Variants in PARP15 observed in about 807,000 individuals in gnomAD.
PARP15 encodes protein mono-ADP-ribosyltransferase PARP15.
Under a neutral mutation model 62.1 loss-of-function variants are expected in PARP15, and 50 were observed. The ratio of observed to expected loss-of-function variants is 0.81; its 90% CI spans 0.64 to 1.02. The LOEUF is 1.02. PARP15 is among the 50% of genes least tolerant of loss of function. PARP15 has a pLI of 0.00. For synonymous variants in PARP15, 309 were observed against 293.1 expected, an observed-to-expected ratio of 1.05 and a Z score of -0.55; for missense variants, 820 against 826.5, an observed-to-expected ratio of 0.99 and a Z score of 0.10.
At chr3:122,593,803 A>C (rs1202286731) in intron 1 of PARP15, among the ~76,000 whole-genome samples, 1 of 152,172 alleles carries the variant, frequency 6.6e-6, no homozygotes, top group Non-Finnish European at 1.5e-5. Flanking sequence ...CATTTATAGA[A>C]ATTTTGTCGC....
chr3:122,634,942 T>G lies in PARP15; in HGVS notation c.1573-78T>G, dbSNP rs140169078. 9.7e-4 allele frequency: 1,358 copies of G among 1,393,150 alleles called. 7 individuals are homozygous for G. The African/African-American group carries it at 0.01, about 10-fold the overall frequency. The allele number at this position is 1,393,150 out of a possible 1,614,324, so 86.3% of individuals were successfully genotyped here. ...CCTCTTCCTTCTTTTTCATATTGCT[T>G]ATTTTAAATCCACAACAAGTACAAT... On this transcript the variant is annotated intron_variant, in intron 10 of 11. Coordinates refer to ENST00000464300, the MANE Select transcript of PARP15 (RefSeq NM_001113523.3).
chr3:122,602,207 A>G lies in PARP15; in HGVS notation c.187-3729A>G, dbSNP rs534981730. ...GACTGTATTACTGTTAAGGACTCACACTTGGATTCTTTCCCAGGGCACTGC... is the reference window on the plus strand; with the variant it reads ...GACTGTATTACTGTTAAGGACTCACGCTTGGATTCTTTCCCAGGGCACTGC... On this transcript the variant is annotated intron_variant, in intron 1 of 11. Transcript: ENST00000464300. 7.9e-5 allele frequency among the ~76,000 whole-genome samples: 12 copies of G among 152,116 alleles called. No homozygotes were observed. The South Asian group carries it at 2.5e-3, about 32-fold the overall frequency.
At chr3:122,616,748 A>C (rs1240102349) in intron 5 of PARP15, among the ~76,000 whole-genome samples, 1 of 152,150 alleles carries the variant, frequency 6.6e-6, no homozygotes, top group Non-Finnish European at 1.5e-5. Flanking sequence ...TCTTGCCAGT[A>C]AACAGACTGA....
rs1172650092 is a variant in PARP15 at position 122,617,043 on chromosome 3, T to C, written c.879T>C (p.Cys293=). The change falls in exon 6 of 12, where the codon TGT becomes TGC. Residue 293 remains cysteine, a synonymous_variant. Transcript: ENST00000464300. ...TGGTCGGGACTGTCTCTAAGCCTTG[T>C]TTCACAGCATATGAAATGAAAATCG... ...QGVVGTVSKP[C]FTAYEMKIGA... The C allele has an allele frequency of 6.2e-7, 1 of 1,614,196 alleles. No individual in the cohort carries two copies. Among genetic ancestry groups the C allele is most frequent in the Admixed American group, 1.7e-5 (1 of 60,024 alleles).
intron 1 of PARP15, among the ~76,000 whole-genome samples, chr3:122,596,086 C>T (rs892146081): frequency 4.6e-5 from 7 of 150,970 alleles, no homozygotes; most frequent in South Asian, 2.2e-4. Flanking sequence ...TGGCTGGGTG[C>T]GGTGGCTCAC....
chr3:122,580,039 A>ATATG (rs1559915678), intron 1 of PARP15, among the ~76,000 whole-genome samples: 29 of 135,682 alleles, frequency 2.1e-4, no homozygotes, highest in African/African-American at 7.6e-4. Flanking sequence ...ATATATATGC[A>ATATG]CGCGCGCACA....
chr3:122,627,318 C>T (rs1181211176), intron 9 of PARP15, among the ~76,000 whole-genome samples: 1 of 152,166 alleles, frequency 6.6e-6, no homozygotes, highest in Admixed American at 6.5e-5. Flanking sequence ...TTTGCAAATT[C>T]TAGCCAATAT....
intron 4 of PARP15, among the ~76,000 whole-genome samples, chr3:122,613,626 C>A (rs80085845): frequency 0.038 from 5,715 of 152,150 alleles, 373 homozygotes; most frequent in African/African-American, 0.13. Flanking sequence ...ATTTGGATAG[C>A]ATAGACCAGT....
chr3:122,631,562 C>T (rs1034517332), intron 9 of PARP15, among the ~76,000 whole-genome samples: 5 of 152,106 alleles, frequency 3.3e-5, no homozygotes, highest in Admixed American at 6.6e-5. Flanking sequence ...AAAGGAAACC[C>T]GGGCATGATC....
chr3:122,595,460 C>A (rs1934260409), intron 1 of PARP15, among the ~76,000 whole-genome samples: 1 of 152,208 alleles, frequency 6.6e-6, no homozygotes, highest in Non-Finnish European at 1.5e-5. Context: ...GCATTTCATA[C>A]AATTGATGGC....
chr3:122,585,833 GC>G (rs1933381715), intron 1 of PARP15, among the ~76,000 whole-genome samples: 1 of 152,208 alleles, frequency 6.6e-6, no homozygotes, highest in Non-Finnish European at 1.5e-5. Context: ...TGAGGATACA[GC>G]CTTGTGTTCC....
At chr3:122,591,518 T>A (rs1317766402) in intron 1 of PARP15, among the ~76,000 whole-genome samples, 1 of 152,174 alleles carries the variant, frequency 6.6e-6, no homozygotes, top group Non-Finnish European at 1.5e-5. Context: ...ATCCCAGCAC[T>A]TTGGGAGGCC....
intron 1 of PARP15, among the ~76,000 whole-genome samples, chr3:122,582,710 A>G (rs1933059285): frequency 6.6e-6 from 1 of 152,070 alleles, no homozygotes; most frequent in Admixed American, 6.5e-5. Flanking sequence ...GTTTTCATCA[A>G]ATTTGAATTT....
rs548760955 is a variant in PARP15 at position 122,577,803 on chromosome 3, G to A, written c.136G>A (p.Gly46Arg). ...DREAGSVLPA[G>R]NRGARKASRR... is the part of the protein sequence containing the mutation. ...GGAGGCGGGGAGCGTGCTGCCGGCC[G>A]GGAACCGTGGGGCGCGGAAGGCCTC... Residue 46 changes from glycine (G) to arginine (R), a missense_variant, in exon 1 of 12, where the codon GGG (glycine) becomes AGG (arginine). Around this residue, in one of 3 missense-constraint regions of PARP15, gnomAD observed 731 missense variants for 727.7 expected, o/e 1.00. Transcript: ENST00000464300. 2 of 1,550,836 alleles carry A rather than the reference G, an allele frequency of 1.3e-6. No individual in the cohort carries two copies. The highest frequency in any genetic ancestry group is 1.7e-6 in the Non-Finnish European group (2 of 1,146,588).
At chr3:122,629,966 C>T (rs1423671245) in intron 9 of PARP15, among the ~76,000 whole-genome samples, 1 of 152,180 alleles carries the variant, frequency 6.6e-6, no homozygotes, top group East Asian at 1.9e-4. Flanking sequence ...CTCTTGCCTG[C>T]CGCTCACCTC....
At chr3:122,612,836 G>A (rs77490964) in intron 3 of PARP15, among the ~76,000 whole-genome samples, 5,679 of 151,694 alleles carry the variant, frequency 0.037, 366 homozygotes, top group African/African-American at 0.13. Context: ...CCATTCCCAC[G>A]CTGTTGGACC....
chr3:122,636,266 C>T lies in PARP15; in HGVS notation c.*166C>T. ...CTCTATTGCTGCGATTTGTAGCATA[C>T]CTTTTTTTCTCAGCAAATTGATGGG... On this transcript the variant is annotated 3_prime_UTR_variant, in exon 12 of 12. Transcript: ENST00000464300. 1 of 658,578 alleles carries T rather than the reference C, an allele frequency of 1.5e-6. No homozygotes were observed. The highest frequency in any genetic ancestry group is 2.2e-5 in the South Asian group (1 of 46,040). The allele number at this position is 658,578 out of a possible 1,614,324, so 40.8% of individuals were successfully genotyped here.
intron 8 of PARP15, among the ~76,000 whole-genome samples, chr3:122,621,990 C>T (rs994256470): frequency 5.3e-5 from 8 of 152,070 alleles, no homozygotes; most frequent in Non-Finnish European, 1.2e-4. Flanking sequence ...ATGGAGACAG[C>T]GTTTCCCCAT....
intron 9 of PARP15, 51 bp from the exon 10 acceptor site, chr3:122,632,035 A>C: frequency 6.2e-7 from 1 of 1,611,676 alleles, no homozygotes; most frequent in East Asian, 2.2e-5. Flanking sequence ...CCTGATTTTC[A>C]GAGGTCTTTG....
Sources: allele counts gnomAD v4.1 joint callset (sites outside exome capture counted in the v4.1 genomes callset), GRCh38; gene constraint gnomAD v4.1.1; regional missense constraint gnomAD v4.1.1; transcripts MANE v1.5; gene names NCBI Gene and HGNC (gene_info 2026-07-23, HGNC 2026-07-21).